The following HIVEP3 variants were observed in gnomAD, a reference collection of about 807,000 sequenced individuals.
HIVEP3 encodes transcription factor HIVEP3.
A neutral mutation model predicts 152.8 loss-of-function variants in HIVEP3; 49 were observed. The observed-to-expected ratio is 0.32, with a 90% CI of 0.26 to 0.41. HIVEP3 has a LOEUF of 0.41. HIVEP3 is among the 10% of genes least tolerant of loss of function. The pLI is 1.00. For missense variants in HIVEP3, 2,790 were observed against 3,103.3 expected, an observed-to-expected ratio of 0.90 and a Z score of 2.40; for synonymous variants, 1,269 against 1,289.0, an observed-to-expected ratio of 0.98 and a Z score of 0.33.
intron 2 of HIVEP3, among the ~76,000 whole-genome samples, chr1:41,641,164 C>T (rs1296533739): frequency 2.0e-5 from 3 of 152,268 alleles, no homozygotes; most frequent in African/African-American, 7.2e-5. Context: ...AAGATTGCTG[C>T]AACTTATTCA....
chr1:41,811,281 C>T (rs1169989198), intron 1 of HIVEP3, among the ~76,000 whole-genome samples: 1 of 151,530 alleles, frequency 6.6e-6, no homozygotes, highest in Non-Finnish European at 1.5e-5. Flanking sequence ...GTGTGCTGTC[C>T]TCCCAATGGT....
chr1:41,686,947 A>T (rs1208327878), intron 2 of HIVEP3, among the ~76,000 whole-genome samples: 2 of 152,210 alleles, frequency 1.3e-5, no homozygotes, highest in Non-Finnish European at 2.9e-5. Flanking sequence ...GGCACAATAT[A>T]CAGCCAGTGG....
intron 1 of HIVEP3, among the ~76,000 whole-genome samples, chr1:41,977,180 GAGGGAGAGAAACAAGGT>G (rs911693865): frequency 1.6e-4 from 24 of 152,206 alleles, no homozygotes; most frequent in African/African-American, 5.8e-4. Flanking sequence ...AAGGTGGAGA[GAGGGAGAGAAACAAGGT>G]AAAAATAAAA....
rs370237560 is a variant in HIVEP3 at position 41,703,927 on chromosome 1, G to A, written c.-800-2932C>T. 7.2e-5 allele frequency among the ~76,000 whole-genome samples: 11 copies of A among 152,198 alleles called. No individual in the cohort carries two copies. The East Asian group carries it at 1.9e-3, about 27-fold the overall frequency. On this transcript the variant is annotated intron_variant, in intron 1 of 8. Coordinates refer to ENST00000372583, the MANE Select transcript of HIVEP3 (RefSeq NM_024503.5). The stretch of plus-strand genomic sequence containing the variant: ...TCAAAGGCCTGTCCACCAACTGGCA[G>A]TAAATGTGACTCATGGTTAGGAACA...
At chr1:41,563,900 A>C (rs1644121914) in intron 5 of HIVEP3, among the ~76,000 whole-genome samples, 1 of 152,246 alleles carries the variant, frequency 6.6e-6, no homozygotes. Flanking sequence ...TTCAAGAAAA[A>C]AAAATTCTTG....
chr1:41,864,137 T>C (rs1643926216), intron 1 of HIVEP3, among the ~76,000 whole-genome samples: 1 of 152,160 alleles, frequency 6.6e-6, no homozygotes, highest in Non-Finnish European at 1.5e-5. Flanking sequence ...CCACTGGAGA[T>C]TCCCCAAGGG....
Position 41,812,355 on chromosome 1 carries a change from T to C in HIVEP3, c.-801+106058A>G, listed in dbSNP as rs189250861. Among the ~76,000 whole-genome samples the C allele has an allele frequency of 2.0e-5, 3 of 152,210 alleles. No homozygotes were observed. In the East Asian group the frequency reaches 5.8e-4, roughly 29 times the overall value. ...GGGAGGCTGAGGAGGGAGGATCGCT[T>C]AGGGCCAGGAGTTCAAGGCTGCAGT... On this transcript the variant is annotated intron_variant, in intron 1 of 8. Coordinates refer to ENST00000372583, the MANE Select transcript of HIVEP3 (RefSeq NM_024503.5).
In HIVEP3 at chr1:41,581,400, A is replaced by C; in HGVS notation, c.3398T>G (p.Leu1133Arg). ...VFHHPVAQTP[L>R]HEKPYLPPPV... The stretch of plus-strand genomic sequence containing the variant: ...TGGGGGCAGGTATGGCTTCTCATGC[A>C]GGGGTGTCTGGGCAACGGGGTGGTG... Residue 1133 changes from leucine to arginine, a missense_variant, in exon 4 of 9, where the codon CTG becomes CGG. Leu to Arg is a moderately radical substitution (Grantham distance 102, BLOSUM62 -2). Around this residue, in one of 9 missense-constraint regions of HIVEP3, gnomAD observed 1,078 missense variants for 1,165.3 expected, o/e 0.93. Transcript: ENST00000372583. This position sits in a 1 kb window ranked among gnomAD's most constrained non-coding sequence, Gnocchi z 4.5. 6.2e-7 allele frequency: 1 copy of C among 1,607,606 alleles called. No individual in the cohort carries two copies. The highest frequency in any genetic ancestry group is 8.5e-7 in the Non-Finnish European group (1 of 1,177,018).
chr1:41,737,489 A>G (rs763255196), intron 1 of HIVEP3, among the ~76,000 whole-genome samples: 15 of 152,150 alleles, frequency 9.9e-5, no homozygotes, highest in Non-Finnish European at 1.9e-4. Flanking sequence ...CAAAAGGCTG[A>G]GCATACCCCT....
At chr1:41,633,655 C>T (rs936339627) in intron 2 of HIVEP3, among the ~76,000 whole-genome samples, 4 of 152,166 alleles carry the variant, frequency 2.6e-5, no homozygotes, top group Non-Finnish European at 4.4e-5. Context: ...TGGTGCCCTA[C>T]GATTCTCTGA....
At chr1:41,914,147 C>T (rs1644837210) in intron 1 of HIVEP3, among the ~76,000 whole-genome samples, 1 of 152,216 alleles carries the variant, frequency 6.6e-6, no homozygotes. Flanking sequence ...CTCACCACTT[C>T]CATTGTTGTC....
intron 1 of HIVEP3, among the ~76,000 whole-genome samples, chr1:41,819,068 T>A (rs1642506124): frequency 6.6e-6 from 1 of 152,226 alleles, no homozygotes; most frequent in Non-Finnish European, 1.5e-5. Flanking sequence ...CCTAAGATAC[T>A]CACTAATAAA....
chr1:41,803,137 C>T (rs1053932919), intron 1 of HIVEP3, among the ~76,000 whole-genome samples: 2 of 152,232 alleles, frequency 1.3e-5, no homozygotes, highest in Non-Finnish European at 2.9e-5. Flanking sequence ...AACAACCACC[C>T]ATTTTGCAAC....
At chr1:41,906,948 C>T (rs1447326481) in intron 1 of HIVEP3, among the ~76,000 whole-genome samples, 3 of 151,536 alleles carry the variant, frequency 2.0e-5, no homozygotes, top group African/African-American at 7.3e-5. Flanking sequence ...CAAGTGTTTC[C>T]AGCACTGCCA....
chr1:41,942,617 T>C (rs149229374), intron 1 of HIVEP3, among the ~76,000 whole-genome samples: 2 of 152,302 alleles, frequency 1.3e-5, no homozygotes, highest in African/African-American at 4.8e-5. Context: ...AAAGACACAC[T>C]AGCAATATGT....
At chr1:41,540,212 C>T (rs571011187) in intron 5 of HIVEP3, among the ~76,000 whole-genome samples, 46 of 152,352 alleles carry the variant, frequency 3.0e-4, no homozygotes, top group Admixed American at 2.1e-3. Flanking sequence ...GCCTGGCCAA[C>T]GCTGGGCTAC....
At position 42,027,084 on chromosome 1, in the gene HIVEP3, G is replaced by A. The variant is rs114266602; in HGVS notation, n.119+8723C>T. 3.4e-3 allele frequency among the ~76,000 whole-genome samples: 522 copies of A among 152,262 alleles called. 1 individual carries two copies. Among genetic ancestry groups the A allele is most frequent in the African/African-American group, 0.012 (503 of 41,550 alleles). ...GAGTTTTCAAGGTTCTGTTGTTGTT[G>A]TTGTTGACCTTGCTTTTGAATGTTT... On this transcript the variant is annotated intron_variant and non_coding_transcript_variant, in intron 1 of 3. Transcript: ENST00000489103.
chr1:41,990,306 G>T (rs1645352459), intron 1 of HIVEP3, among the ~76,000 whole-genome samples: 1 of 149,928 alleles, frequency 6.7e-6, no homozygotes, highest in South Asian at 2.1e-4. Flanking sequence ...TAGTCTGATG[G>T]GCTTCCCTTT....
intron 1 of HIVEP3, among the ~76,000 whole-genome samples, chr1:41,907,776 A>G (rs1644737563): frequency 6.6e-6 from 1 of 152,176 alleles, no homozygotes; most frequent in African/African-American, 2.4e-5. Context: ...AACCTCTTGG[A>G]CAAAGAGAGT....
Sources: allele counts gnomAD v4.1 joint callset (sites outside exome capture counted in the v4.1 genomes callset), GRCh38; gene constraint gnomAD v4.1.1; regional missense constraint gnomAD v4.1.1; non-coding constraint Gnocchi (gnomAD v3.1); transcripts MANE v1.5; gene names NCBI Gene and HGNC (gene_info 2026-07-23, HGNC 2026-07-21).